Variants in MAPK10 observed in about 807,000 individuals in gnomAD.
MAPK10 encodes the protein JNK3 alpha protein kinase.
In MAPK10, 25 loss-of-function variants were observed where a neutral mutation model predicts 59.3. The observed-to-expected ratio is 0.42, with a 90% confidence interval of 0.31 to 0.59. The LOEUF (loss-of-function observed/expected upper bound fraction) is 0.59. MAPK10 is among the 20% of genes least tolerant of loss of function. The probability of loss-of-function intolerance (pLI) is 0.15; values close to 1 mark genes in which losing one functional copy is unlikely to be tolerated. For synonymous variants in MAPK10, 190 were observed against 200.5 expected (o/e 0.95, Z 0.44); for missense variants, 351 against 568.9 (o/e 0.62, Z 3.90).
At chr4:86,197,008 TG>T (rs1215477175) in intron 2 of MAPK10, among the ~76,000 whole-genome samples, 9 of 152,198 alleles carry the variant, frequency 5.9e-5, no homozygotes, top group African/African-American at 2.2e-4. Context: ...CCTCCAGCAT[TG>T]TTCTTTTTGC....
chr4:86,531,311 A>G (rs113115795), intron 1 of MAPK10, among the ~76,000 whole-genome samples: 7,503 of 152,314 alleles, frequency 0.049, 252 homozygotes, highest in Non-Finnish European at 0.078. Context: ...CACGCTGAGG[A>G]TACATTCACA....
At chr4:86,436,400 T>C (rs1748721062) in intron 1 of MAPK10, among the ~76,000 whole-genome samples, 1 of 152,278 alleles carries the variant, frequency 6.6e-6, no homozygotes, top group African/African-American at 2.4e-5. Flanking sequence ...GCAAAAGAAA[T>C]TGTAGCTAAC....
intron 1 of MAPK10, among the ~76,000 whole-genome samples, chr4:86,574,772 G>A (rs553073485): frequency 7.2e-5 from 11 of 152,268 alleles, no homozygotes; most frequent in African/African-American, 2.4e-4. Flanking sequence ...ATCTTTGGGA[G>A]GGGATGGGGG....
chr4:86,198,731 T>A (rs143200102), intron 2 of MAPK10, among the ~76,000 whole-genome samples: 418 of 151,666 alleles, frequency 2.8e-3, no homozygotes, highest in African/African-American at 9.4e-3. Context: ...AAATAAACTA[T>A]ATTAAAATTA....
intron 3 of MAPK10, among the ~76,000 whole-genome samples, chr4:86,190,776 T>A (rs1470051101): frequency 6.6e-6 from 1 of 152,142 alleles, no homozygotes; most frequent in East Asian, 1.9e-4. Context: ...TTATTTCTTG[T>A]CCTCTGCTAT....
In MAPK10 at chr4:86,056,942, A is replaced by ATTTAT. The variant is rs573398020; in HGVS notation, c.1110+7319_1110+7323dup. 7.1e-3 allele frequency among the ~76,000 whole-genome samples: 794 copies of ATTTAT among 111,840 alleles called. 46 individuals carry two copies. Among genetic ancestry groups the ATTTAT allele is most frequent in the African/African-American group, 0.025 (562 of 22,602 alleles). 73.4% of individuals were successfully genotyped at this position (111,840 alleles called of 152,430 possible). On this transcript the variant is annotated intron_variant, in intron 11 of 13. Coordinates refer to ENST00000641462, the MANE Select transcript of MAPK10 (RefSeq NM_138982.4). ...CAGCTTGGTCAGGACTTTTTTGTTT[A>ATTTAT]TTTATTTTATTTTATTTTATTTTAT...
intron 1 of MAPK10, among the ~76,000 whole-genome samples, chr4:86,371,602 A>G (rs894673954): frequency 6.6e-6 from 1 of 152,196 alleles, no homozygotes; most frequent in Non-Finnish European, 1.5e-5. Context: ...AGATGGCCGA[A>G]TAGGAACAGC....
chr4:86,332,562 T>C (rs978794663), intron 2 of MAPK10: 2 of 152,218 alleles, frequency 1.3e-5, no homozygotes, highest in Non-Finnish European at 2.9e-5. Flanking sequence ...GAGGCACCAC[T>C]TGTGGTTTGA....
intron 2 of MAPK10, among the ~76,000 whole-genome samples, chr4:86,214,522 A>AG (rs1001709340): frequency 6.7e-6 from 1 of 149,522 alleles, no homozygotes; most frequent in Admixed American, 6.6e-5. Flanking sequence ...AAAAAAAAAA[A>AG]AAAAAAAAAA....
At chr4:86,561,241 G>A (rs1293601417) in intron 1 of MAPK10, among the ~76,000 whole-genome samples, 1 of 152,142 alleles carries the variant, frequency 6.6e-6, no homozygotes, top group Non-Finnish European at 1.5e-5. Context: ...ACAGGCCATG[G>A]ACCCATAATG....
intron 1 of MAPK10, among the ~76,000 whole-genome samples, chr4:86,497,757 T>C (rs1754982249): frequency 6.6e-6 from 1 of 152,168 alleles, no homozygotes. Context: ...CAAGCAAGCA[T>C]CATATCATTA....
intron 2 of MAPK10, among the ~76,000 whole-genome samples, chr4:86,265,096 G>A (rs1289310406): frequency 6.6e-6 from 1 of 151,724 alleles, no homozygotes; most frequent in Non-Finnish European, 1.5e-5. Flanking sequence ...TCACCATGTT[G>A]GCCAGGATGG....
chr4:86,509,484 A>G (rs1455743470), intron 1 of MAPK10, among the ~76,000 whole-genome samples: 1 of 151,922 alleles, frequency 6.6e-6, no homozygotes, highest in Admixed American at 6.6e-5. Context: ...CAAACAAAAA[A>G]AAACCTGCCA....
intron 2 of MAPK10, among the ~76,000 whole-genome samples, chr4:86,320,723 G>GT (rs1483241480): frequency 2.0e-5 from 3 of 152,142 alleles, no homozygotes; most frequent in Non-Finnish European, 4.4e-5. Flanking sequence ...TAGACATGAA[G>GT]CCTTGCACAT....
At chr4:86,358,326 G>C (rs1735571530) in intron 1 of MAPK10, 1 of 985,250 alleles carries the variant, frequency 1.0e-6, no homozygotes, top group Admixed American at 6.2e-5. Flanking sequence ...GCCGATGAGG[G>C]ATAGAAGGAG....
At chr4:86,275,903 C>T (rs1287295237) in intron 2 of MAPK10, among the ~76,000 whole-genome samples, 2 of 151,988 alleles carry the variant, frequency 1.3e-5, no homozygotes, top group Non-Finnish European at 2.9e-5. Context: ...GCAGTCAATG[C>T]CTATTTTACT....
At chr4:86,575,491 A>T (rs1407773680) in intron 1 of MAPK10, among the ~76,000 whole-genome samples, 3 of 152,112 alleles carry the variant, frequency 2.0e-5, no homozygotes, top group Non-Finnish European at 4.4e-5. Flanking sequence ...ATCTTTCATT[A>T]TTAAGTATGT....
At chr4:86,553,562 G>A (rs939305308) in intron 1 of MAPK10, among the ~76,000 whole-genome samples, 1 of 152,142 alleles carries the variant, frequency 6.6e-6, no homozygotes, top group Non-Finnish European at 1.5e-5. Context: ...CTTAAAAGAG[G>A]AAGGTGGGGT....
At chr4:86,229,523 T>A (rs2091212605) in intron 2 of MAPK10, among the ~76,000 whole-genome samples, 1 of 152,190 alleles carries the variant, frequency 6.6e-6, no homozygotes, top group South Asian at 2.1e-4. Context: ...TACCTGTCCC[T>A]ATCTAAAAGC....
Sources: gnomAD v4.1 joint callset for allele counts (sites outside exome capture counted in the v4.1 genomes callset) on GRCh38, gnomAD v4.1.1 for gene constraint, MANE v1.5 for transcripts, NCBI Gene and HGNC (gene_info 2026-07-23, HGNC 2026-07-21) for gene names.